Variants in NLK observed in about 807,000 individuals in gnomAD.
NLK encodes serine/threonine-protein kinase NLK.
NLK carries 11 observed loss-of-function variants against 59.0 expected under a neutral mutation model. The ratio of observed to expected loss-of-function variants is 0.19; its 90% CI spans 0.12 to 0.31. NLK has a LOEUF of 0.31. NLK is among the 10% of genes least tolerant of loss of function. The pLI is 1.00. For synonymous variants in NLK, 235 were observed against 235.9 expected (o/e 1.00, Z 0.03); for missense variants, 410 against 661.1 (o/e 0.62, Z 4.16).
At chr17:28,049,704 C>T (rs1331629141) in intron 1 of NLK, among the ~76,000 whole-genome samples, 2 of 152,102 alleles carry the variant, frequency 1.3e-5, no homozygotes, top group African/African-American at 4.8e-5. Context: ...ATTTTCAGGC[C>T]AGGCATGGTG....
the NLK span, among the ~76,000 whole-genome samples, chr17:28,204,747 CAG>C: frequency 4.6e-5 from 7 of 152,166 alleles, no homozygotes; most frequent in Non-Finnish European, 1.0e-4. Context: ...AGGGAATAAA[CAG>C]GGCAGATAAG....
At chr17:28,120,061 C>T (rs936620647) in intron 1 of NLK, among the ~76,000 whole-genome samples, 1 of 152,108 alleles carries the variant, frequency 6.6e-6, no homozygotes, top group Non-Finnish European at 1.5e-5. Flanking sequence ...CTGAAGTTTT[C>T]CCTTTTTCGT....
chr17:28,174,951 T>G (rs1215810508), intron 7 of NLK, among the ~76,000 whole-genome samples: 2 of 151,786 alleles, frequency 1.3e-5, no homozygotes, highest in African/African-American at 4.8e-5. Context: ...GGAAGACACC[T>G]ACACACGATT....
Position 28,177,799 on chromosome 17 carries a change from C to T in NLK, c.1149+5181C>T, listed in dbSNP as rs185475733. Among the ~76,000 whole-genome samples, 563 of 152,320 alleles carry T rather than the reference C, an allele frequency of 3.7e-3. 4 individuals carry two copies. The highest frequency in any genetic ancestry group is 0.013 in the African/African-American group (527 of 41,578). On this transcript the variant is annotated intron_variant, in intron 7 of 10. Coordinates refer to ENST00000407008, the MANE Select transcript of NLK (RefSeq NM_016231.5). ...ATGTTTTCCTCATATCAAGAGGTTT[C>T]CTCCATAGTCTGGAGCAGATAGAGT...
intron 10 of NLK, among the ~76,000 whole-genome samples, chr17:28,193,431 G>A (rs1431384357): frequency 6.6e-6 from 1 of 152,188 alleles, no homozygotes; most frequent in Non-Finnish European, 1.5e-5. Context: ...CCAAAGCTGA[G>A]CCTTCCACAT....
At chr17:28,135,315 A>G (rs1048950995) in intron 3 of NLK, among the ~76,000 whole-genome samples, 3 of 152,230 alleles carry the variant, frequency 2.0e-5, no homozygotes, top group African/African-American at 7.2e-5. Context: ...TTGGTGTTCA[A>G]GGTTTTTATT....
intron 1 of NLK, among the ~76,000 whole-genome samples, chr17:28,100,115 A>G (rs1904855514): frequency 6.6e-6 from 1 of 152,102 alleles, no homozygotes; most frequent in African/African-American, 2.4e-5. Context: ...TCTTTTTTAC[A>G]TTGCTCTTTT....
chr17:28,062,729 T>A (rs1348601895), intron 1 of NLK, among the ~76,000 whole-genome samples: 1 of 152,036 alleles, frequency 6.6e-6, no homozygotes. Flanking sequence ...TACAGGTGTG[T>A]GCCACCACAT....
chr17:28,137,427 G>T (rs1345672688), intron 3 of NLK, among the ~76,000 whole-genome samples: 1 of 151,946 alleles, frequency 6.6e-6, no homozygotes, highest in East Asian at 1.9e-4. Flanking sequence ...ATTATCCACT[G>T]TACATAAAGT....
intron 1 of NLK, among the ~76,000 whole-genome samples, chr17:28,058,347 G>A (rs182803984): frequency 1.9e-4 from 29 of 152,288 alleles, no homozygotes; most frequent in African/African-American, 6.7e-4. Flanking sequence ...TGTCTCTGTA[G>A]GTGGGCAAAC....
chr17:28,094,495 G>A (rs1755896979), intron 1 of NLK, among the ~76,000 whole-genome samples: 1 of 152,218 alleles, frequency 6.6e-6, no homozygotes, highest in South Asian at 2.1e-4. Flanking sequence ...TGGGAGGGGA[G>A]TTCTTGACAA....
In NLK at chr17:28,128,386, T is replaced by G. The variant is rs113507081; in HGVS notation, c.589-4234T>G. Among the ~76,000 whole-genome samples the G allele has an allele frequency of 1.5e-3, 229 of 152,296 alleles. 1 individual carries two copies. Among genetic ancestry groups the G allele is most frequent in the Middle Eastern group, 6.8e-3 (2 of 294 alleles). On this transcript the variant is annotated intron_variant, in intron 2 of 10. Transcript: ENST00000407008. ...ATAAAATATTATGGGCTAGAACAATTTTTAAAATATTCAGTGTTTGAGGAA... is the reference window on the plus strand; with the variant it reads ...ATAAAATATTATGGGCTAGAACAATGTTTAAAATATTCAGTGTTTGAGGAA...
At chr17:28,189,453 T>C (rs1181791125) in intron 8 of NLK, among the ~76,000 whole-genome samples, 1 of 152,234 alleles carries the variant, frequency 6.6e-6, no homozygotes, top group Non-Finnish European at 1.5e-5. Context: ...GCCAAGCTAT[T>C]GGAGAAACTG....
At chr17:28,189,378 C>T (rs2142072546) in intron 8 of NLK, among the ~76,000 whole-genome samples, 1 of 152,306 alleles carries the variant, frequency 6.6e-6, no homozygotes, top group Middle Eastern at 3.4e-3. Context: ...AAAAGTCCTG[C>T]AGATAACCCA....
intron 2 of NLK, among the ~76,000 whole-genome samples, chr17:28,129,349 A>G (rs553214408): frequency 6.6e-6 from 1 of 152,288 alleles, no homozygotes; most frequent in South Asian, 2.1e-4. Flanking sequence ...GCTACTTGGG[A>G]GGCTGAGGCA....
rs1304924831 is a variant in NLK, at chr17:28,195,436, A to G, written c.*800A>G. On this transcript the variant is annotated 3_prime_UTR_variant, in exon 11 of 11. Transcript: ENST00000407008. ...AATAATTCATTTCTGGGCTAATTTC[A>G]AAAGAATCCCAATATTGCTGTATAG... The G allele has an allele frequency of 6.6e-6, 1 of 152,434 alleles. No individual in the cohort carries two copies. Among genetic ancestry groups the G allele is most frequent in the Non-Finnish European group, 1.5e-5 (1 of 68,020 alleles). The allele number at this position is 152,434 out of a possible 1,614,324, so 9.4% of individuals were successfully genotyped here. A position where few individuals can be genotyped will look rare whatever the true frequency, so the allele number is the denominator to read the frequency against.
intron 1 of NLK, among the ~76,000 whole-genome samples, chr17:28,118,899 T>C (rs1905900434): frequency 6.6e-6 from 1 of 152,204 alleles, no homozygotes; most frequent in South Asian, 2.1e-4. Flanking sequence ...AAAACTTCAC[T>C]GTTTAAGAAG....
chr17:28,051,002 C>G (rs547511447), intron 1 of NLK, among the ~76,000 whole-genome samples: 1 of 151,030 alleles, frequency 6.6e-6, no homozygotes, highest in Non-Finnish European at 1.5e-5. Flanking sequence ...GTCCCAGCTA[C>G]TCAGGAGTCT....
chr17:28,105,725 A>C lies in NLK; in HGVS notation c.459-16878A>C, dbSNP rs1036165802. Among the ~76,000 whole-genome samples, 12 of 152,208 alleles carry C rather than the reference A, an allele frequency of 7.9e-5. 1 individual carries two copies. Among genetic ancestry groups the C allele is most frequent in the Admixed American group, 3.9e-4 (6 of 15,280 alleles). ...GATTCACTCATAGGTTGGCCACAGAAGAAAGCCTTTGTTATCTCTTGCTAG... is the reference window on the plus strand; with the variant it reads ...GATTCACTCATAGGTTGGCCACAGACGAAAGCCTTTGTTATCTCTTGCTAG... On this transcript the variant is annotated intron_variant, in intron 1 of 10. Coordinates refer to ENST00000407008, the MANE Select transcript of NLK (RefSeq NM_016231.5).
Sources: allele counts gnomAD v4.1 joint callset (sites outside exome capture counted in the v4.1 genomes callset), GRCh38; gene constraint gnomAD v4.1.1; transcripts MANE v1.5; gene names NCBI Gene and HGNC (gene_info 2026-07-23, HGNC 2026-07-21).